Variants in OTC observed in about 807,000 individuals in gnomAD.
OTC encodes ornithine transcarbamylase, mitochondrial.
A neutral mutation model predicts 30.3 loss-of-function variants in OTC; 3 were observed. The observed-to-expected ratio is 0.10, with a 90% CI of 0.05 to 0.26. The LOEUF (loss-of-function observed/expected upper bound fraction) is 0.26, where lower values mean the gene tolerates loss of function less well. Ranked by LOEUF, OTC falls within the 10% of genes least tolerant of loss-of-function variation. The probability of loss-of-function intolerance (pLI) is 1.00; values close to 1 mark genes in which losing one functional copy is unlikely to be tolerated. For synonymous variants in OTC, 111 were observed against 99.7 expected, an observed-to-expected ratio of 1.11 and a Z score of -0.67; for missense variants, 194 against 260.3, an observed-to-expected ratio of 0.75 and a Z score of 1.75.
At chrX:38,415,067 A>T (rs1248138753) in intron 9 of OTC, among the ~76,000 whole-genome samples, 1 of 110,339 alleles carries the variant, frequency 9.1e-6, no homozygotes, top group Non-Finnish European at 1.9e-5. Context: ...ATAAATTATT[A>T]TTATTATTTT....
intron 9 of OTC, among the ~76,000 whole-genome samples, chrX:38,418,232 T>C (rs927730528): frequency 3.6e-5 from 4 of 112,015 alleles, no homozygotes; most frequent in Non-Finnish European, 7.5e-5. Flanking sequence ...ATTGCCCTAA[T>C]GATTAATGAT....
chrX:38,410,836 G>A (rs1393243207), intron 8 of OTC, among the ~76,000 whole-genome samples: 1 of 111,702 alleles, frequency 9.0e-6, no homozygotes, highest in Non-Finnish European at 1.9e-5. Flanking sequence ...AATTTTGCTG[G>A]TATTTTAGAA....
chrX:38,402,369 T>C (rs992065534), intron 5 of OTC, among the ~76,000 whole-genome samples: 1 of 112,083 alleles, frequency 8.9e-6, no homozygotes, highest in African/African-American at 3.2e-5. Flanking sequence ...CTGCAGGACC[T>C]TGTGCAATGC....
intron 4 of OTC, among the ~76,000 whole-genome samples, chrX:38,392,808 G>A (rs1298890479): frequency 8.9e-6 from 1 of 112,055 alleles, no homozygotes; most frequent in African/African-American, 3.2e-5. Context: ...GCTTTGTCAC[G>A]CTCCCTTTTG....
rs752320527 is a variant in OTC at position 38,410,067 on chromosome X, T to C, written c.867+1042T>C. 4.5e-5 allele frequency among the ~76,000 whole-genome samples: 5 copies of C among 111,922 alleles called. 1 individual carries two copies. The South Asian group carries it at 1.8e-3, about 41-fold the overall frequency. ...ATTTATTTATTATTATTCTTACTTT[T>C]TCCACTTAACAAATCTTAGATTTTC... On this transcript the variant is annotated intron_variant, in intron 8 of 9. Transcript: ENST00000039007.
intron 4 of OTC, among the ~76,000 whole-genome samples, chrX:38,390,955 A>G (rs991788535): frequency 5.4e-5 from 6 of 111,162 alleles, no homozygotes; most frequent in Admixed American, 3.8e-4. Flanking sequence ...GGGTGTTTTC[A>G]TTAATTCCTA....
intron 6 of OTC, among the ~76,000 whole-genome samples, chrX:38,408,195 G>A (rs1362555095): frequency 8.9e-6 from 1 of 112,088 alleles, no homozygotes; most frequent in Non-Finnish European, 1.9e-5. Flanking sequence ...CAAGCACCCT[G>A]CCCTCAAAAG....
chrX:38,415,141 C>T lies in OTC; in HGVS notation c.1005+3142C>T, dbSNP rs183055559. 8.0e-3 allele frequency among the ~76,000 whole-genome samples: 878 copies of T among 110,216 alleles called. 12 individuals carry two copies. Among genetic ancestry groups the T allele is most frequent in the African/African-American group, 0.028 (837 of 30,293 alleles). On this transcript the variant is annotated intron_variant, in intron 9 of 9. Transcript: ENST00000039007. ...TCACCCAGGTTGGAGTACAATGGCA[C>T]GATCTCGGCTCACTGCAACCTCCGC...
At chrX:38,364,270 G>C (rs767569640) in intron 1 of OTC, among the ~76,000 whole-genome samples, 83 of 111,785 alleles carry the variant, frequency 7.4e-4, no homozygotes, top group African/African-American at 2.6e-3. Context: ...CATACATTAT[G>C]AATCCATGTT....
intron 4 of OTC, among the ~76,000 whole-genome samples, chrX:38,394,327 G>C (rs979953158): frequency 1.8e-5 from 2 of 111,898 alleles, no homozygotes; most frequent in Non-Finnish European, 3.8e-5. Flanking sequence ...GCATAGTTTG[G>C]AGAAAACATA....
intron 4 of OTC, among the ~76,000 whole-genome samples, chrX:38,391,355 T>G (rs2068428119): frequency 9.0e-6 from 1 of 110,910 alleles, no homozygotes. Flanking sequence ...GTAACTAACC[T>G]GCATGTTGTG....
intron 5 of OTC, among the ~76,000 whole-genome samples, chrX:38,401,633 A>G (rs1230223186): frequency 6.3e-5 from 7 of 111,943 alleles, no homozygotes; most frequent in African/African-American, 1.9e-4. Context: ...ACTCAACCCT[A>G]TTCCCAAACC....
At chrX:38,389,791 G>A (rs5917589) in intron 4 of OTC, among the ~76,000 whole-genome samples, 9 of 111,010 alleles carry the variant, frequency 8.1e-5, no homozygotes, top group Admixed American at 9.7e-5. Context: ...CATGGTTTGG[G>A]CCAGATGCTT....
In OTC at chrX:38,421,209, A is replaced by G; in HGVS notation, c.*127A>G. 1 of 519,317 alleles carries G rather than the reference A, an allele frequency of 1.9e-6. No individual in the cohort carries two copies. Among genetic ancestry groups the G allele is most frequent in the Admixed American group, 2.6e-5 (1 of 37,802 alleles). The allele number at this position is 519,317 out of a possible 1,213,427, so 42.8% of individuals were successfully genotyped here. A position where few individuals can be genotyped will look rare whatever the true frequency, so the allele number is the denominator to read the frequency against. On this transcript the variant is annotated 3_prime_UTR_variant, in exon 10 of 10. Coordinates refer to ENST00000039007, the MANE Select transcript of OTC (RefSeq NM_000531.6). ...ACACGTGGTATGGGTGAACCGTATG[A>G]TATGCTTTGCCATTGTGAAACTTTC...
At chrX:38,344,506 T>G in the OTC span, among the ~76,000 whole-genome samples, 3 of 110,963 alleles carry the variant, frequency 2.7e-5, no homozygotes, top group African/African-American at 9.9e-5. Context: ...CATAGAGGAC[T>G]CTTAAGAAAA....
intron 1 of OTC, among the ~76,000 whole-genome samples, chrX:38,366,646 TC>T (rs1407594043): frequency 1.8e-5 from 2 of 112,186 alleles, no homozygotes; most frequent in Non-Finnish European, 3.8e-5. Context: ...ATAGTAATTT[TC>T]TAGGTGTGAA....
At chrX:38,422,888 C>T (rs1407225514), downstream of OTC, among the ~76,000 whole-genome samples, 2 of 111,800 alleles carry the variant, frequency 1.8e-5, no homozygotes, top group Non-Finnish European at 3.8e-5. Context: ...CTAGAAATGA[C>T]GCTTGCATCT....
chrX:38,352,068 A>G (rs1417684501), upstream of OTC, among the ~76,000 whole-genome samples: 1 of 112,507 alleles, frequency 8.9e-6, no homozygotes, highest in Admixed American at 9.4e-5. Flanking sequence ...GCCAGCAATT[A>G]TTTCTTTATT....
intron 1 of OTC, 97 bp from the exon 2 acceptor site, chrX:38,367,190 AAAAG>A (rs1240328169): frequency 6.6e-5 from 47 of 707,341 alleles, no homozygotes; most frequent in Non-Finnish European, 9.4e-5. Context: ...AAAAAAAAAG[AAAAG>A]AAAAGAATGC....
Sources: allele counts gnomAD v4.1 joint callset (sites outside exome capture counted in the v4.1 genomes callset), GRCh38; gene constraint gnomAD v4.1.1; transcripts MANE v1.5; gene names NCBI Gene and HGNC (gene_info 2026-07-23, HGNC 2026-07-21).